The following PLCG2 variants were observed in gnomAD, a reference collection of about 807,000 sequenced individuals.
PLCG2 encodes 1-phosphatidylinositol 4,5-bisphosphate phosphodiesterase gamma-2.
In PLCG2, 69 loss-of-function variants were observed where a neutral mutation model predicts 175.6. The ratio of observed to expected loss-of-function variants is 0.39; its 90% CI spans 0.32 to 0.48. The LOEUF (loss-of-function observed/expected upper bound fraction) is 0.48, where lower values mean the gene tolerates loss of function less well. Ranked by LOEUF, PLCG2 falls within the 20% of genes least tolerant of loss-of-function variation. The pLI is 0.91. For synonymous variants in PLCG2, 827 were observed against 624.0 expected (o/e 1.33, Z -4.85); for missense variants, 1,798 against 1,650.9 (o/e 1.09, Z -1.54).
chr16:81,937,807 G>A lies in PLCG2; in HGVS notation c.3102G>A (p.Thr1034=). ...NHALFSLNGR[T]GYVLQPESMR... is the part of the protein sequence containing the mutation. The stretch of plus-strand genomic sequence containing the variant: ...CATTGTTTTCTCTCAATGGGCGCAC[G>A]GGCTACGTTCTGCAGCCTGAGAGCA... The change falls in exon 28 of 33, where the codon ACG becomes ACA. Residue 1034 remains threonine (T), a synonymous_variant. Transcript: ENST00000564138. 2.5e-6 allele frequency: 4 copies of A among 1,613,784 alleles called. No individual in the cohort carries two copies. The highest frequency in any genetic ancestry group is 1.1e-5 in the South Asian group (1 of 91,064).
intron 2 of PLCG2, among the ~76,000 whole-genome samples, chr16:81,805,905 G>A (rs1411952098): frequency 6.6e-6 from 1 of 150,536 alleles, no homozygotes. Flanking sequence ...CTCCTGAGTA[G>A]CTGGGATTAC....
intron 5 of PLCG2, among the ~76,000 whole-genome samples, chr16:81,866,522 T>C (rs1907244494): frequency 2.3e-5 from 2 of 86,476 alleles, no homozygotes; most frequent in Non-Finnish European, 5.8e-5. Flanking sequence ...GGCCTCTCCC[T>C]TGCTCCCAGG....
intron 32 of PLCG2, among the ~76,000 whole-genome samples, chr16:81,957,082 T>A (rs1209866997): frequency 1.3e-5 from 2 of 152,068 alleles, no homozygotes; most frequent in East Asian, 3.9e-4. Context: ...TTGGATCACC[T>A]GAGGTCAGGA....
chr16:81,875,490 G>C (rs1278170053), intron 7 of PLCG2, among the ~76,000 whole-genome samples: 2 of 152,144 alleles, frequency 1.3e-5, no homozygotes, highest in Admixed American at 1.3e-4. Context: ...TTGTATTAAA[G>C]AAAATGTAAA....
chr16:81,948,768 A>G (rs1376240745), intron 31 of PLCG2, among the ~76,000 whole-genome samples: 1 of 152,196 alleles, frequency 6.6e-6, no homozygotes, highest in Non-Finnish European at 1.5e-5. Context: ...GGCTCCAAAG[A>G]GCAAAAACTG....
At chr16:81,758,792 C>G (rs541277962) in intron 2 of PLCG2, among the ~76,000 whole-genome samples, 130 of 152,168 alleles carry the variant, frequency 8.5e-4, no homozygotes, top group African/African-American at 3.0e-3. Context: ...ATTCTCCTGC[C>G]TCAGCCTCCC....
intron 2 of PLCG2, among the ~76,000 whole-genome samples, chr16:81,814,227 G>C (rs184004379): frequency 6.6e-5 from 10 of 152,304 alleles, no homozygotes; most frequent in South Asian, 2.1e-4. Flanking sequence ...CTTTTTGCTT[G>C]TTTTCTGGTT....
intron 2 of PLCG2, chr16:81,842,752 C>G (rs1905901624): frequency 6.6e-6 from 1 of 152,024 alleles, no homozygotes; most frequent in African/African-American, 2.4e-5. Flanking sequence ...GAAATGGGAG[C>G]TTGAAGAACA....
intron 2 of PLCG2, among the ~76,000 whole-genome samples, chr16:81,822,273 A>G (rs1189395268): frequency 6.6e-6 from 1 of 152,158 alleles, no homozygotes; most frequent in Non-Finnish European, 1.5e-5. Flanking sequence ...AGGGTGTTGA[A>G]GGGTCGGCAT....
intron 18 of PLCG2, among the ~76,000 whole-genome samples, chr16:81,911,196 T>C (rs182496189): frequency 2.0e-5 from 3 of 152,298 alleles, no homozygotes; most frequent in Middle Eastern, 3.4e-3. Flanking sequence ...GCTGCAAAAA[T>C]GTCCATTTCC....
Position 81,891,555 on chromosome 16 carries a change from CCT to C in PLCG2, c.952_953del (p.Leu318ValfsTer10). 3 of 1,607,986 alleles carry C rather than the reference CCT, an allele frequency of 1.9e-6. No homozygotes were observed. Among genetic ancestry groups the C allele is most frequent in the South Asian group, 1.1e-5 (1 of 90,960 alleles). On this transcript the variant is annotated frameshift_variant, in exon 11 of 33. Coordinates refer to ENST00000564138, the MANE Select transcript of PLCG2 (RefSeq NM_002661.5). LOFTEE classifies it high-confidence loss of function. ...TGGACATGCAGGACATGAACAACCC[CCT>C]GTCTCATTACTGGATCTCCTCGTCA... ...AVDMQDMNNP[L>X]SHYWISSSHN... is the part of the protein sequence containing the mutation.
intron 2 of PLCG2, among the ~76,000 whole-genome samples, chr16:81,854,089 G>A (rs1204403009): frequency 2.2e-5 from 3 of 139,094 alleles, no homozygotes; most frequent in African/African-American, 7.5e-5. Context: ...CATCAATTTG[G>A]TCTCTTGTTT....
At chr16:81,800,270 G>C (rs994068142) in intron 2 of PLCG2, among the ~76,000 whole-genome samples, 8 of 152,144 alleles carry the variant, frequency 5.3e-5, no homozygotes, top group African/African-American at 1.9e-4. Context: ...ACATAGGTAA[G>C]CGTTTGCCAT....
chr16:81,928,965 A>C, intron 24 of PLCG2: 1 of 272,606 alleles, frequency 3.7e-6, no homozygotes, highest in Non-Finnish European at 7.0e-6. Context: ...CCTGGCTGAA[A>C]TGCAGCGTGG....
At chr16:81,879,747 G>A (rs1399678397) in intron 7 of PLCG2, among the ~76,000 whole-genome samples, 1 of 152,188 alleles carries the variant, frequency 6.6e-6, no homozygotes, top group African/African-American at 2.4e-5. Flanking sequence ...ACAAGATGTG[G>A]GTGTGCAGGG....
At chr16:81,897,551 T>TC (rs1908951307) in intron 13 of PLCG2, among the ~76,000 whole-genome samples, 1 of 147,124 alleles carries the variant, frequency 6.8e-6, no homozygotes, top group East Asian at 2.0e-4. Flanking sequence ...TTCTTTTCTT[T>TC]TTTTTTTTTT....
chr16:81,929,897 T>C (rs1910430986), intron 24 of PLCG2, among the ~76,000 whole-genome samples: 1 of 152,226 alleles, frequency 6.6e-6, no homozygotes, highest in Non-Finnish European at 1.5e-5. Flanking sequence ...TCTTCCCCCA[T>C]CCCTGTATCT....
chr16:81,894,458 G>A (rs1908786610), intron 12 of PLCG2, among the ~76,000 whole-genome samples: 1 of 151,756 alleles, frequency 6.6e-6, no homozygotes, highest in Non-Finnish European at 1.5e-5. Flanking sequence ...GGGTCAGGTG[G>A]CATCTCTGCC....
At chr16:81,948,273 T>C (rs1911230840) in intron 31 of PLCG2, among the ~76,000 whole-genome samples, 1 of 152,210 alleles carries the variant, frequency 6.6e-6, no homozygotes, top group South Asian at 2.1e-4. Context: ...TGCCATTAAC[T>C]GGAATAGGCC....
Sources: allele counts gnomAD v4.1 joint callset (sites outside exome capture counted in the v4.1 genomes callset), GRCh38; gene constraint gnomAD v4.1.1; transcripts MANE v1.5; gene names NCBI Gene and HGNC (gene_info 2026-07-23, HGNC 2026-07-21).